The following PHF14 variants were observed in gnomAD, a reference collection of about 807,000 sequenced individuals.
PHF14 encodes the protein PHD finger protein 14.
In PHF14, 55 loss-of-function variants were observed where a neutral mutation model predicts 117.9. The ratio of observed to expected loss-of-function variants is 0.47; its 90% CI spans 0.38 to 0.58. The LOEUF (loss-of-function observed/expected upper bound fraction) is 0.58. Ranked by LOEUF, PHF14 falls within the 20% of genes least tolerant of loss-of-function variation. PHF14 has a pLI of 0.00. For missense variants in PHF14, 978 were observed against 1,122.2 expected, an observed-to-expected ratio of 0.87 and a Z score of 1.84; for synonymous variants, 409 against 368.6, an observed-to-expected ratio of 1.11 and a Z score of -1.26.
chr7:11,064,423 A>G (rs958351403), intron 16 of PHF14, among the ~76,000 whole-genome samples: 9 of 151,926 alleles, frequency 5.9e-5, no homozygotes, highest in Non-Finnish European at 1.3e-4. Flanking sequence ...CTACAGATAT[A>G]TTTCAGCGCT....
intron 17 of PHF14, among the ~76,000 whole-genome samples, chr7:11,153,999 A>G: frequency 6.6e-6 from 1 of 151,544 alleles, no homozygotes; most frequent in African/African-American, 2.4e-5. Context: ...ACTTTCCCAG[A>G]AGCTCCCCTG....
chr7:11,112,340 T>G (rs1787474424), intron 17 of PHF14, among the ~76,000 whole-genome samples: 1 of 152,196 alleles, frequency 6.6e-6, no homozygotes, highest in Non-Finnish European at 1.5e-5. Flanking sequence ...ATCAAAAACA[T>G]TCTTTTATCA....
At chr7:11,052,956 A>T (rs1234910529) in intron 14 of PHF14, among the ~76,000 whole-genome samples, 1 of 152,132 alleles carries the variant, frequency 6.6e-6, no homozygotes, top group Non-Finnish European at 1.5e-5. Flanking sequence ...TATGTTTTCT[A>T]TTACATCAGG....
intron 16 of PHF14, among the ~76,000 whole-genome samples, chr7:11,065,509 C>G (rs1249124487): frequency 1.3e-5 from 2 of 151,958 alleles, no homozygotes; most frequent in African/African-American, 4.8e-5. Flanking sequence ...TAATTTAATT[C>G]TAGAGCAAAT....
intron 16 of PHF14, among the ~76,000 whole-genome samples, chr7:11,086,425 T>C (rs1238000655): frequency 6.6e-6 from 1 of 152,200 alleles, no homozygotes; most frequent in African/African-American, 2.4e-5. Flanking sequence ...TATTATACTT[T>C]ATGTTATACC....
chr7:11,112,798 A>G (rs766145449), intron 17 of PHF14, among the ~76,000 whole-genome samples: 10 of 152,060 alleles, frequency 6.6e-5, no homozygotes, highest in Non-Finnish European at 1.5e-4. Context: ...AAATATTTGT[A>G]TGAGGATTAT....
At chr7:11,111,923 A>G (rs1787461375) in intron 17 of PHF14, among the ~76,000 whole-genome samples, 1 of 151,768 alleles carries the variant, frequency 6.6e-6, no homozygotes, top group South Asian at 2.1e-4. Flanking sequence ...AAAAAACAAA[A>G]TAGTTTTCAT....
chr7:11,149,291 A>G (rs1367467064), intron 17 of PHF14, among the ~76,000 whole-genome samples: 5 of 152,146 alleles, frequency 3.3e-5, no homozygotes, highest in Admixed American at 6.5e-5. Flanking sequence ...ATATTGACTC[A>G]TTATGGTCAG....
chr7:11,081,057 G>A (rs922783696), intron 16 of PHF14, among the ~76,000 whole-genome samples: 1 of 151,982 alleles, frequency 6.6e-6, no homozygotes, highest in Admixed American at 6.6e-5. Context: ...AAATATATAT[G>A]TATATATGTG....
At chr7:11,025,891 C>G (rs1001410576) in intron 6 of PHF14, among the ~76,000 whole-genome samples, 1 of 152,090 alleles carries the variant, frequency 6.6e-6, no homozygotes, top group Non-Finnish European at 1.5e-5. Flanking sequence ...TTGGGTGGGT[C>G]ACCTGAGGTC....
intron 16 of PHF14, among the ~76,000 whole-genome samples, chr7:11,085,846 G>GT (rs560881707): frequency 8.8e-4 from 134 of 151,456 alleles, no homozygotes; most frequent in Non-Finnish European, 1.6e-3. Context: ...GATAAGTACA[G>GT]TTTTTTTTAA....
At chr7:11,093,883 T>C (rs1786742890) in intron 16 of PHF14, among the ~76,000 whole-genome samples, 1 of 152,186 alleles carries the variant, frequency 6.6e-6, no homozygotes, top group Non-Finnish European at 1.5e-5. Context: ...ACAAGGGTAG[T>C]ATACTGGGCC....
At position 10,985,636 on chromosome 7, in the gene PHF14, C is replaced by CCGGTTTTTTTTTTTTT. The variant is rs750860479; in HGVS notation, c.900+2477_900+2478insCGGTTTTTTTTTTTTT. Among the ~76,000 whole-genome samples the CCGGTTTTTTTTTTTTT allele has an allele frequency of 8.8e-5, 8 of 90,864 alleles. No individual in the cohort carries two copies. The East Asian group carries it at 1.2e-3, about 14-fold the overall frequency. 59.6% of individuals were successfully genotyped at this position (90,864 alleles called of 152,430 possible). A position where few individuals can be genotyped will look rare whatever the true frequency, so the allele number is the denominator to read the frequency against. On this transcript the variant is annotated intron_variant, in intron 3 of 17. Transcript: ENST00000634607. ...ATACTCTCTAGCAGTGATTCTCAAA[C>CCGGTTTTTTTTTTTTT]TGTTTTTTTTTTTTTTTTTTTTTTT...
At chr7:11,149,258 T>G (rs547731000) in intron 17 of PHF14, among the ~76,000 whole-genome samples, 115 of 152,268 alleles carry the variant, frequency 7.6e-4, no homozygotes, top group South Asian at 1.7e-3. Context: ...CATGCTTGAT[T>G]TGCCATCATT....
chr7:11,034,800 C>T (rs767994498), intron 7 of PHF14, among the ~76,000 whole-genome samples: 17 of 151,808 alleles, frequency 1.1e-4, no homozygotes, highest in Non-Finnish European at 2.1e-4. Flanking sequence ...CTGCTTGCCT[C>T]GGTCTCCCAA....
At chr7:11,073,554 C>T (rs1785706134) in intron 16 of PHF14, among the ~76,000 whole-genome samples, 1 of 152,194 alleles carries the variant, frequency 6.6e-6, no homozygotes, top group African/African-American at 2.4e-5. Flanking sequence ...AGTTAAATGC[C>T]TGTGGCTTTT....
intron 13 of PHF14, among the ~76,000 whole-genome samples, chr7:11,044,536 G>A (rs193175114): frequency 3.6e-4 from 55 of 152,154 alleles, no homozygotes; most frequent in Non-Finnish European, 5.7e-4. Flanking sequence ...ACTTAGCTTT[G>A]GTTAGCAGTT....
intron 16 of PHF14, chr7:11,102,400 T>A: frequency 6.9e-7 from 1 of 1,443,746 alleles, no homozygotes; most frequent in Non-Finnish European, 9.6e-7. Context: ...TCTACTGTGG[T>A]TTGTTAGTAT....
chr7:11,141,949 A>G (rs1788413130), intron 17 of PHF14, among the ~76,000 whole-genome samples: 1 of 152,080 alleles, frequency 6.6e-6, no homozygotes, highest in Admixed American at 6.5e-5. Context: ...TCAAAATATG[A>G]GAAGTATTTA....
Sources: gnomAD v4.1 joint callset for allele counts (sites outside exome capture counted in the v4.1 genomes callset) on GRCh38, gnomAD v4.1.1 for gene constraint, MANE v1.5 for transcripts, NCBI Gene and HGNC (gene_info 2026-07-23, HGNC 2026-07-21) for gene names.